The following CLIC5 variants were observed in gnomAD, a reference collection of about 807,000 sequenced individuals.
CLIC5 encodes the protein CLIC family member 5.
Under a neutral mutation model 24.7 loss-of-function variants are expected in CLIC5, and 20 were observed. The observed-to-expected ratio is 0.81, with a 90% CI of 0.57 to 1.18. The LOEUF (loss-of-function observed/expected upper bound fraction) is 1.18. Among genes scored for constraint, CLIC5 ranks in the 50% most tolerant of loss-of-function variants. CLIC5 has a pLI of 0.00. For synonymous variants in CLIC5, 159 were observed against 135.6 expected (o/e 1.17, Z -1.20); for missense variants, 341 against 326.1 (o/e 1.05, Z -0.35).
At chr6:45,979,716 C>T (rs201558446) in intron 1 of CLIC5, among the ~76,000 whole-genome samples, 9 of 89,212 alleles carry the variant, frequency 1.0e-4, no homozygotes, top group African/African-American at 2.2e-4. Flanking sequence ...TGGCATTGTT[C>T]ATTATATTTT....
chr6:45,987,354 G>A (rs1257217190), intron 1 of CLIC5, among the ~76,000 whole-genome samples: 16 of 152,168 alleles, frequency 1.1e-4, no homozygotes, highest in Admixed American at 9.8e-4. Flanking sequence ...CTGCTAAACT[G>A]TGGTCTCCAT....
At chr6:45,916,748 A>G (rs1020047871) in intron 4 of CLIC5, among the ~76,000 whole-genome samples, 1 of 152,168 alleles carries the variant, frequency 6.6e-6, no homozygotes, top group African/African-American at 2.4e-5. Flanking sequence ...ATTCCTCGAG[A>G]TGGAAGGCAT....
At chr6:45,930,860 T>C (rs1002753864) in intron 4 of CLIC5, among the ~76,000 whole-genome samples, 2 of 152,194 alleles carry the variant, frequency 1.3e-5, no homozygotes, top group Admixed American at 6.5e-5. Flanking sequence ...ACAATCTCCA[T>C]ATTACCGTTG....
At chr6:46,072,672 T>C (rs1049164672) in intron 1 of CLIC5, among the ~76,000 whole-genome samples, 1 of 152,236 alleles carries the variant, frequency 6.6e-6, no homozygotes, top group Admixed American at 6.5e-5. Flanking sequence ...TATTTGGTGA[T>C]GCTTCTTTAT....
intron 4 of CLIC5, among the ~76,000 whole-genome samples, chr6:45,915,556 G>A (rs988913667): frequency 6.6e-6 from 1 of 152,142 alleles, no homozygotes; most frequent in South Asian, 2.1e-4. Flanking sequence ...AATCACTGCT[G>A]TCTCAAATGG....
chr6:46,015,006 G>A (rs376295414), intron 1 of CLIC5, among the ~76,000 whole-genome samples: 2 of 152,174 alleles, frequency 1.3e-5, no homozygotes, highest in East Asian at 3.8e-4. Flanking sequence ...ATCTCTGAGC[G>A]AAAGAGAGAA....
chr6:46,119,446 T>A, the CLIC5 span, among the ~76,000 whole-genome samples: 1 of 152,234 alleles, frequency 6.6e-6, no homozygotes, highest in Non-Finnish European at 1.5e-5. Flanking sequence ...TTAAGCAGAC[T>A]GGTTGGCGGT....
intron 4 of CLIC5, among the ~76,000 whole-genome samples, chr6:45,925,194 G>T (rs1343694621): frequency 6.6e-6 from 1 of 152,076 alleles, no homozygotes; most frequent in Non-Finnish European, 1.5e-5. Context: ...TGCTATATAG[G>T]TTTTGCTAAT....
chr6:46,076,109 C>A (rs1762760520), intron 1 of CLIC5, among the ~76,000 whole-genome samples: 2 of 152,316 alleles, frequency 1.3e-5, no homozygotes, highest in African/African-American at 4.8e-5. Context: ...CTGTTCCTTC[C>A]AAAATCGCCC....
At chr6:46,075,954 T>C (rs1178617178) in intron 1 of CLIC5, among the ~76,000 whole-genome samples, 1 of 152,198 alleles carries the variant, frequency 6.6e-6, no homozygotes, top group African/African-American at 2.4e-5. Flanking sequence ...GGGCTTTCCC[T>C]TCAAAACAAT....
the CLIC5 span, among the ~76,000 whole-genome samples, chr6:46,108,655 C>T: frequency 1.3e-5 from 2 of 152,086 alleles, no homozygotes; most frequent in African/African-American, 4.8e-5. Flanking sequence ...GCCTTGACCT[C>T]CCAAAGTGCT....
chr6:45,941,804 G>A, intron 3 of CLIC5, 151 bp from the exon 4 acceptor site: 1 of 684,230 alleles, frequency 1.5e-6, no homozygotes, highest in Non-Finnish European at 2.6e-6. Flanking sequence ...TAGGGAGGGT[G>A]GGCATTCTCA....
At chr6:45,892,389 GGA>G (rs1485524985) in intron 6 of CLIC5, among the ~76,000 whole-genome samples, 1 of 152,186 alleles carries the variant, frequency 6.6e-6, no homozygotes, top group Non-Finnish European at 1.5e-5. Context: ...TTTTGCACCG[GGA>G]GAGGTGAAGT....
In CLIC5 at chr6:46,006,077, T is replaced by C. The variant is rs1286880915; in HGVS notation, c.63+9403A>G. Among the ~76,000 whole-genome samples the C allele has an allele frequency of 1.4e-4, 11 of 77,998 alleles. 1 individual carries two copies. The highest frequency in any genetic ancestry group is 9.3e-4 in the South Asian group (2 of 2,148). The allele number at this position is 77,998 out of a possible 152,430, so 51.2% of individuals were successfully genotyped here. A position where few individuals can be genotyped will look rare whatever the true frequency, so the allele number is the denominator to read the frequency against. ...ATATATACATGTATAAATATATATA[T>C]ACACATGTATAAATACATATATATA... On this transcript the variant is annotated intron_variant, in intron 1 of 5. Transcript: ENST00000339561.
chr6:46,106,095 T>C, the CLIC5 span, among the ~76,000 whole-genome samples: 14 of 152,162 alleles, frequency 9.2e-5, 1 homozygote, highest in Admixed American at 7.2e-4. Context: ...GTGTCTATTT[T>C]TTGGCACCTG....
rs946225424 is a variant in CLIC5, at chr6:45,968,572, C to T, written c.64-13328G>A. On this transcript the variant is annotated intron_variant, in intron 1 of 5. Coordinates refer to ENST00000339561, the MANE Select transcript of CLIC5 (RefSeq NM_016929.5). Reference sequence around the variant, plus strand: ...ACAATGGATGCCCCAGACCAAAGGGCAGGCACTCTTATCACAAAACTGCCT... The same window carrying T: ...ACAATGGATGCCCCAGACCAAAGGGTAGGCACTCTTATCACAAAACTGCCT... Among the ~76,000 whole-genome samples the T allele has an allele frequency of 8.5e-5, 13 of 152,184 alleles. 1 individual carries two copies. Among genetic ancestry groups the T allele is most frequent in the African/African-American group, 2.4e-4 (10 of 41,440 alleles).
chr6:46,065,355 T>C (rs1196871794), intron 1 of CLIC5, among the ~76,000 whole-genome samples: 2 of 151,616 alleles, frequency 1.3e-5, no homozygotes, highest in African/African-American at 4.9e-5. Context: ...GGTTTTTTTT[T>C]TTTTTTAAAA....
At chr6:46,066,324 A>C (rs1220529271) in intron 1 of CLIC5, among the ~76,000 whole-genome samples, 1 of 151,972 alleles carries the variant, frequency 6.6e-6, no homozygotes, top group Non-Finnish European at 1.5e-5. Flanking sequence ...CCTTTTTCCC[A>C]TTTACAAAAT....
chr6:46,104,902 C>T, the CLIC5 span, among the ~76,000 whole-genome samples: 12 of 152,182 alleles, frequency 7.9e-5, no homozygotes, highest in African/African-American at 2.9e-4. Flanking sequence ...TCTAGTCCAG[C>T]TTGCAGTGTG....
Sources: allele counts gnomAD v4.1 joint callset (sites outside exome capture counted in the v4.1 genomes callset), GRCh38; gene constraint gnomAD v4.1.1; transcripts MANE v1.5; gene names NCBI Gene and HGNC (gene_info 2026-07-23, HGNC 2026-07-21).